Variants in RBFOX1 observed in about 807,000 individuals in gnomAD.
The protein encoded by RBFOX1 is RNA binding protein fox-1 homolog 1.
A neutral mutation model predicts 57.7 loss-of-function variants in RBFOX1; 8 were observed. The observed-to-expected ratio is 0.14, with a 90% CI of 0.08 to 0.25. The LOEUF (loss-of-function observed/expected upper bound fraction) is 0.25. Ranked by LOEUF, RBFOX1 falls within the 10% of genes least tolerant of loss-of-function variation. The pLI, the probability that RBFOX1 is intolerant of heterozygous loss-of-function variation, is 1.00. For synonymous variants in RBFOX1, 326 were observed against 222.4 expected (o/e 1.47, Z -4.15); for missense variants, 611 against 548.5 (o/e 1.11, Z -1.14).
At chr16:6,657,010 C>CTCCTCCCCTTTCCTCTCCTG (rs1371563991) in intron 3 of RBFOX1, among the ~76,000 whole-genome samples, 1 of 107,618 alleles carries the variant, frequency 9.3e-6, no homozygotes, top group African/African-American at 3.9e-5. Context: ...TTCCTCTCCT[C>CTCCTCCCCTTTCCTCTCCTG]TCCTCCCCTT....
At chr16:7,447,584 A>G (rs1404417189) in intron 4 of RBFOX1, among the ~76,000 whole-genome samples, 1 of 152,152 alleles carries the variant, frequency 6.6e-6, no homozygotes, top group African/African-American at 2.4e-5. Flanking sequence ...TTCTGTTCCC[A>G]GTTGAAACTT....
chr16:7,072,536 A>T (rs563727151), intron 4 of RBFOX1, among the ~76,000 whole-genome samples: 1 of 152,172 alleles, frequency 6.6e-6, no homozygotes. Flanking sequence ...ACCAGTGGCT[A>T]TTGTTTTTTG....
chr16:5,954,710 G>A (rs868828975), intron 4 of RBFOX1, among the ~76,000 whole-genome samples: 3 of 152,116 alleles, frequency 2.0e-5, no homozygotes, highest in Non-Finnish European at 2.9e-5. Flanking sequence ...CGTGTGCGCC[G>A]TGAGCTATTA....
intron 2 of RBFOX1, among the ~76,000 whole-genome samples, chr16:5,569,611 G>T (rs547679239): frequency 6.6e-6 from 1 of 151,958 alleles, no homozygotes; most frequent in African/African-American, 2.4e-5. Flanking sequence ...GATTTAGAGA[G>T]AGATAAAATA....
intron 1 of RBFOX1, among the ~76,000 whole-genome samples, chr16:6,241,177 A>T (rs1447937069): frequency 1.3e-5 from 2 of 152,216 alleles, no homozygotes; most frequent in Non-Finnish European, 2.9e-5. Context: ...GCCAGAGATA[A>T]AAATAAGCGA....
chr16:6,656,251 T>C (rs17140843), intron 3 of RBFOX1, among the ~76,000 whole-genome samples: 6,147 of 152,280 alleles, frequency 0.04, 296 homozygotes, highest in East Asian at 0.1. Flanking sequence ...CCAAAGGTCA[T>C]TGGCATTTCT....
intron 2 of RBFOX1, among the ~76,000 whole-genome samples, chr16:6,597,459 G>A (rs2097787853): frequency 6.6e-6 from 1 of 152,024 alleles, no homozygotes; most frequent in Non-Finnish European, 1.5e-5. Flanking sequence ...GGATCACAAG[G>A]TCAGGAGTTT....
chr16:7,226,131 G>A (rs2093100825), intron 4 of RBFOX1, among the ~76,000 whole-genome samples: 1 of 152,040 alleles, frequency 6.6e-6, no homozygotes, highest in Non-Finnish European at 1.5e-5. Flanking sequence ...TTGACCAGGA[G>A]AAAAAGAGCA....
intron 4 of RBFOX1, among the ~76,000 whole-genome samples, chr16:6,001,988 A>C (rs1023633476): frequency 7.1e-6 from 1 of 139,924 alleles, no homozygotes; most frequent in African/African-American, 2.7e-5. Flanking sequence ...TTTTTTTGAG[A>C]CTGGGTCTTG....
intron 1 of RBFOX1, among the ~76,000 whole-genome samples, chr16:5,248,205 G>A (rs1302799522): frequency 2.0e-5 from 3 of 152,184 alleles, no homozygotes; most frequent in African/African-American, 7.2e-5. Context: ...CACAACAACT[G>A]GCGTTATGGA....
chr16:7,698,183 G>GGGGT (rs1355248429), intron 14 of RBFOX1, among the ~76,000 whole-genome samples: 87 of 136,212 alleles, frequency 6.4e-4, no homozygotes, highest in Admixed American at 3.2e-3. Context: ...AGTCCAAGAG[G>GGGGT]GTGTGTGTGT....
intron 4 of RBFOX1, among the ~76,000 whole-genome samples, chr16:7,220,722 C>A (rs2092663094): frequency 6.6e-6 from 1 of 151,072 alleles, no homozygotes. Flanking sequence ...ACAGGATCAT[C>A]TTGGATCCTG....
At chr16:7,690,935 C>G (rs1025466016) in intron 14 of RBFOX1, among the ~76,000 whole-genome samples, 5 of 152,086 alleles carry the variant, frequency 3.3e-5, no homozygotes, top group Non-Finnish European at 5.9e-5. Context: ...GCCACCAAAG[C>G]CAATCTGATT....
At chr16:7,369,783 A>G (rs561947599) in intron 4 of RBFOX1, among the ~76,000 whole-genome samples, 1 of 152,272 alleles carries the variant, frequency 6.6e-6, no homozygotes, top group Non-Finnish European at 1.5e-5. Context: ...TAAGTAAATA[A>G]TAATAATAAT....
At chr16:6,796,123 C>A (rs924725998) in intron 3 of RBFOX1, among the ~76,000 whole-genome samples, 3 of 150,944 alleles carry the variant, frequency 2.0e-5, no homozygotes, top group African/African-American at 7.4e-5. Context: ...ACAGTCATGG[C>A]GGAAGGTGAA....
At chr16:7,339,757 G>C (rs2096857951) in intron 4 of RBFOX1, among the ~76,000 whole-genome samples, 1 of 152,154 alleles carries the variant, frequency 6.6e-6, no homozygotes, top group Admixed American at 6.6e-5. Context: ...TATTTGTTAA[G>C]AATTCTTTTG....
chr16:6,145,161 A>T (rs551983237), intron 1 of RBFOX1, among the ~76,000 whole-genome samples: 5 of 152,042 alleles, frequency 3.3e-5, no homozygotes, highest in Non-Finnish European at 7.4e-5. Flanking sequence ...CCCATTAGTT[A>T]TATTTCCTGA....
At chr16:5,924,946 A>C (rs528775832) in intron 4 of RBFOX1, among the ~76,000 whole-genome samples, 3 of 152,318 alleles carry the variant, frequency 2.0e-5, no homozygotes, top group African/African-American at 7.2e-5. Context: ...ACCACAATAC[A>C]GTGCCCTAAG....
chr16:6,886,687 A>G (rs939175072), intron 3 of RBFOX1, among the ~76,000 whole-genome samples: 10 of 151,928 alleles, frequency 6.6e-5, no homozygotes, highest in African/African-American at 2.4e-4. Flanking sequence ...CCCAGCAGGC[A>G]GAGGTTGCAC....
Sources: gnomAD v4.1 joint callset for allele counts (sites outside exome capture counted in the v4.1 genomes callset) on GRCh38, gnomAD v4.1.1 for gene constraint, MANE v1.5 for transcripts, NCBI Gene and HGNC (gene_info 2026-07-23, HGNC 2026-07-21) for gene names.